USP45: variants seen among roughly 807,000 people sequenced by gnomAD.
The protein encoded by USP45 is ubiquitin carboxyl-terminal hydrolase 45.
USP45 carries 89 observed loss-of-function variants against 95.8 expected under a neutral mutation model. The observed-to-expected ratio is 0.93, with a 90% CI of 0.78 to 1.11. USP45 has a LOEUF of 1.11. Ranked by LOEUF, USP45 falls within the 50% of genes least tolerant of loss-of-function variation. The pLI, the probability that USP45 is intolerant of heterozygous loss-of-function variation, is 0.00. For missense variants in USP45, 898 were observed against 942.5 expected, an observed-to-expected ratio of 0.95 and a Z score of 0.62; for synonymous variants, 281 against 316.2, an observed-to-expected ratio of 0.89 and a Z score of 1.18.
At position 99,435,612 on chromosome 6, in the gene USP45, G is replaced by A; in HGVS notation, c.*104C>T. 1.0e-6 allele frequency: 1 copy of A among 973,440 alleles called. No individual in the cohort carries two copies. The highest frequency in any genetic ancestry group is 2.7e-5 in the East Asian group (1 of 36,602). The allele number at this position is 973,440 out of a possible 1,614,324, so 60.3% of individuals were successfully genotyped here. A position where few individuals can be genotyped will look rare whatever the true frequency, so the allele number is the denominator to read the frequency against. ...AAGTTCAGGACCATTTGAGGAACAT[G>A]CTATTCCTACAGAAGAGGGAAGACT... is the stretch of plus-strand genomic sequence containing the variant. On this transcript the variant is annotated 3_prime_UTR_variant, in exon 18 of 18. Coordinates refer to ENST00000500704, the MANE Select transcript of USP45 (RefSeq NM_001346022.3).
chr6:99,483,844 CAAAAAAA>C (rs71276584), intron 7 of USP45, among the ~76,000 whole-genome samples: 1 of 86,564 alleles, frequency 1.2e-5, no homozygotes, highest in African/African-American at 4.7e-5. Flanking sequence ...GACTCCGTCT[CAAAAAAA>C]AAAAAAAAAA....
At chr6:99,485,408 AC>A (rs1185653648) in intron 7 of USP45, among the ~76,000 whole-genome samples, 1 of 152,180 alleles carries the variant, frequency 6.6e-6, no homozygotes, top group East Asian at 1.9e-4. Flanking sequence ...TTTGCTGAAA[AC>A]GCAAGAAGGA....
intron 13 of USP45, among the ~76,000 whole-genome samples, chr6:99,455,234 G>A (rs1562327829): frequency 6.8e-6 from 1 of 147,800 alleles, no homozygotes; most frequent in Non-Finnish European, 1.5e-5. Context: ...TTGAGGTCAG[G>A]AGTTTGAGAC....
At chr6:99,460,417 A>AC (rs1463874970) in intron 13 of USP45, among the ~76,000 whole-genome samples, 1 of 152,166 alleles carries the variant, frequency 6.6e-6, no homozygotes, top group African/African-American at 2.4e-5. Context: ...AATTGAGCCA[A>AC]CACCACATGA....
At chr6:99,509,103 T>C (rs1291718963) in intron 2 of USP45, among the ~76,000 whole-genome samples, 1 of 152,204 alleles carries the variant, frequency 6.6e-6, no homozygotes, top group Non-Finnish European at 1.5e-5. Flanking sequence ...AAGCTATACA[T>C]GTACTAAAAT....
chr6:99,453,381 G>GA (rs1025404366), intron 13 of USP45, among the ~76,000 whole-genome samples: 52 of 149,134 alleles, frequency 3.5e-4, no homozygotes, highest in African/African-American at 1.0e-3. Context: ...AAAGTAGCTG[G>GA]AAAAAAAAAT....
At chr6:99,462,819 C>CA (rs948018756) in intron 13 of USP45, 11 of 356,244 alleles carry the variant, frequency 3.1e-5, no homozygotes, top group East Asian at 1.6e-4. Context: ...CCTATCTCTA[C>CA]AAAAAATAAC....
intron 13 of USP45, among the ~76,000 whole-genome samples, chr6:99,449,039 G>T (rs1583016509): frequency 6.6e-6 from 1 of 152,236 alleles, no homozygotes. Context: ...ACATGGAAAG[G>T]AACAACTGGT....
chr6:99,449,587 G>T (rs924167130), intron 13 of USP45, among the ~76,000 whole-genome samples: 1 of 152,140 alleles, frequency 6.6e-6, no homozygotes, highest in Non-Finnish European at 1.5e-5. Context: ...AATAATGGGA[G>T]ACTTTAACAC....
In USP45 at chr6:99,432,551, A is replaced by G. The variant is rs1369524647; in HGVS notation, c.*3165T>C. 6.6e-6 allele frequency: 1 copy of G among 152,024 alleles called. No homozygotes were observed. Among genetic ancestry groups the G allele is most frequent in the East Asian group, 1.9e-4 (1 of 5,194 alleles). The allele number at this position is 152,024 out of a possible 1,614,324, so 9.4% of individuals were successfully genotyped here. ...AGAAACATGGCAAAAGAAAAAAAAC[A>G]GTAGGAATAATATGTATTACTCAAA... is the stretch of plus-strand genomic sequence containing the variant. On this transcript the variant is annotated 3_prime_UTR_variant, in exon 18 of 18. Coordinates refer to ENST00000500704, the MANE Select transcript of USP45 (RefSeq NM_001346022.3).
chr6:99,484,603 G>A (rs918504711), intron 7 of USP45, among the ~76,000 whole-genome samples: 6 of 152,028 alleles, frequency 3.9e-5, no homozygotes, highest in South Asian at 4.2e-4. Flanking sequence ...TGGAAGGCCC[G>A]CTTGGGCAAC....
intron 5 of USP45, among the ~76,000 whole-genome samples, chr6:99,494,529 A>G (rs1041732231): frequency 6.6e-6 from 1 of 152,222 alleles, no homozygotes; most frequent in African/African-American, 2.4e-5. Flanking sequence ...AAAAAACTTA[A>G]GATATTACCT....
chr6:99,462,227 G>A (rs1162278879), intron 13 of USP45: 5 of 979,964 alleles, frequency 5.1e-6, no homozygotes, highest in Non-Finnish European at 4.8e-6. Context: ...TAAAGAGTAG[G>A]TCCAATTTGT....
At chr6:99,474,311 C>G (rs1790255451) in intron 9 of USP45, among the ~76,000 whole-genome samples, 1 of 152,176 alleles carries the variant, frequency 6.6e-6, no homozygotes, top group African/African-American at 2.4e-5. Context: ...AATTCTCATG[C>G]CTCAGCCACC....
chr6:99,438,197 A>AAAT (rs1432360182), intron 16 of USP45, among the ~76,000 whole-genome samples: 2 of 152,226 alleles, frequency 1.3e-5, no homozygotes, highest in Admixed American at 6.5e-5. Flanking sequence ...GCTGCTTGAA[A>AAAT]AATGGAGTGT....
At chr6:99,478,015 T>C (rs1251264055) in intron 8 of USP45, among the ~76,000 whole-genome samples, 2 of 151,704 alleles carry the variant, frequency 1.3e-5, no homozygotes, top group African/African-American at 4.8e-5. Flanking sequence ...AACAGGAGAA[T>C]CCCTCAGAGA....
intron 5 of USP45, among the ~76,000 whole-genome samples, chr6:99,502,328 A>G (rs1797562139): frequency 6.6e-6 from 1 of 152,100 alleles, no homozygotes; most frequent in South Asian, 2.1e-4. Context: ...TTTTTGCTAT[A>G]TTAAAACTAT....
At chr6:99,474,653 C>T (rs1207961475) in intron 9 of USP45, among the ~76,000 whole-genome samples, 1 of 152,198 alleles carries the variant, frequency 6.6e-6, no homozygotes, top group East Asian at 1.9e-4. Context: ...TCACCTATTA[C>T]TCCAATTATG....
chr6:99,509,827 T>C (rs1366042132), intron 2 of USP45, among the ~76,000 whole-genome samples: 1 of 152,194 alleles, frequency 6.6e-6, no homozygotes, highest in Non-Finnish European at 1.5e-5. Context: ...TTCCCTCAGA[T>C]ACTTGAGGCA....
Sources: gnomAD v4.1 joint callset for allele counts (sites outside exome capture counted in the v4.1 genomes callset) on GRCh38, gnomAD v4.1.1 for gene constraint, MANE v1.5 for transcripts, NCBI Gene and HGNC (gene_info 2026-07-23, HGNC 2026-07-21) for gene names.